The following TLN1 variants were observed in gnomAD, a reference collection of about 807,000 sequenced individuals.
TLN1 encodes the protein talin 1.
Under a neutral mutation model 292.3 loss-of-function variants are expected in TLN1, and 56 were observed. That is an observed-to-expected ratio of 0.19 (90% confidence interval 0.15 to 0.24). The LOEUF is 0.24. Among genes scored for constraint, TLN1 ranks in the 10% least tolerant of loss-of-function variants. TLN1 has a pLI of 1.00. For synonymous variants in TLN1, 1,119 were observed against 1,253.7 expected (o/e 0.89, Z 2.27); for missense variants, 2,433 against 3,248.2 (o/e 0.75, Z 6.10).
Position 35,715,059 on chromosome 9 carries a change from C to T in TLN1, c.2754G>A (p.Glu918=). Residue 918 remains glutamate (E), a splice_region_variant and synonymous_variant, in exon 21 of 57, where the codon GAG becomes GAA. Coordinates refer to ENST00000314888, the MANE Select transcript of TLN1 (RefSeq NM_006289.4). ...CTCCTGGTGAAACTCCCAGCCTCAC[C>T]TCCAGGCGCTGCACCAGCTTTTTCT... ...AIKKKLVQRL[E]HAAKQAAASA... is the part of the protein sequence containing the mutation. 1 of 1,612,934 alleles carries T rather than the reference C, an allele frequency of 6.2e-7. No homozygotes were observed. Among genetic ancestry groups the T allele is most frequent in the Non-Finnish European group, 8.5e-7 (1 of 1,180,046 alleles).
rs1373869694 is a variant in TLN1 at position 35,711,340 on chromosome 9, A to G, written c.3934T>C (p.Ser1312Pro). ...TTGGCAGCCAGAAGAAGTTTGCTTG[A>G]AGACATGGAGATGCCCTTCAAGTTG... ...VSNLKGISMS[S>P]SKLLLAAKAL... is the part of the protein sequence containing the mutation. Residue 1312 changes from serine (S) to proline (P), a missense_variant, in exon 30 of 57, where the codon TCA becomes CCA. This residue lies in a region of TLN1 where 1,384 missense variants were observed against 1,699.6 expected (regional missense o/e 0.81). Transcript: ENST00000314888. 6.2e-7 allele frequency: 1 copy of G among 1,614,142 alleles called. No homozygotes were observed.
In TLN1 at chr9:35,704,366, T is replaced by C; in HGVS notation, c.6013A>G (p.Asn2005Asp). 1 of 1,614,134 alleles carries C rather than the reference T, an allele frequency of 6.2e-7. No homozygotes were observed. Reference sequence around the variant, plus strand: ...GCGAAAGTTTCAGTACCCTCACGATTGAGCGTGCCAGCAGTGGCGAACATG... The same window carrying C: ...GCGAAAGTTTCAGTACCCTCACGATCGAGCGTGCCAGCAGTGGCGAACATG... ...TIMFATAGTL[N>D]REGTETFADH... Residue 2005 changes from asparagine (N) to aspartate (D), a missense_variant, in exon 45 of 57, where the codon AAT (asparagine) becomes GAT (aspartate). Asn to Asp is a conservative substitution (Grantham distance 23). Transcript: ENST00000314888. This position sits in a 1 kb window ranked among gnomAD's most constrained non-coding sequence, Gnocchi z 6.9.
At chr9:35,705,324 A>C (rs1825545399) in intron 43 of TLN1, among the ~76,000 whole-genome samples, 1 of 152,240 alleles carries the variant, frequency 6.6e-6, no homozygotes, top group Non-Finnish European at 1.5e-5. Flanking sequence ...GAAGCCAGAA[A>C]GGCAGGCCCG....
chr9:35,699,163 G>A lies in TLN1; in HGVS notation c.6875-7C>T, dbSNP rs1350891565. 1.0e-5 allele frequency: 16 copies of A among 1,600,568 alleles called. No homozygotes were observed. The highest frequency in any genetic ancestry group is 1.4e-5 in the Non-Finnish European group (16 of 1,172,068). On this transcript the variant is annotated splice_region_variant and splice_polypyrimidine_tract_variant and intron_variant, in intron 51 of 56. Transcript: ENST00000314888. This position sits in a 1 kb window ranked among gnomAD's most constrained non-coding sequence, Gnocchi z 4.0. ...GGGTCTACCCATTCTGTTCCTGGTG[G>A]GATGAAGGAAGAGGAAAGAGGCTAA...
chr9:35,703,959 T>C (rs1162439355), intron 46 of TLN1, 32 bp downstream of exon 46: 1 of 1,612,784 alleles, frequency 6.2e-7, no homozygotes, highest in Non-Finnish European at 8.5e-7. Flanking sequence ...AGGAAGTGAT[T>C]CCAGCCGGAA....
chr9:35,706,605 G>T lies in TLN1; in HGVS notation c.5089-54C>A. ...TGGTGACCTGCAATAGGACCCTCTGGCTACAAAGAACTGCTCTTCTGTCCA... is the reference window on the plus strand; with the variant it reads ...TGGTGACCTGCAATAGGACCCTCTGTCTACAAAGAACTGCTCTTCTGTCCA... On this transcript the variant is annotated intron_variant, in intron 38 of 56. Transcript: ENST00000314888. The surrounding 1 kb of genome is among the most constrained non-coding windows in gnomAD (Gnocchi z 4.2). 1 of 1,601,288 alleles carries T rather than the reference G, an allele frequency of 6.2e-7. No homozygotes were observed.
At chr9:35,725,839 T>C (rs749237609) in intron 1 of TLN1, 112 bp from the exon 2 acceptor site, 4 of 860,524 alleles carry the variant, frequency 4.6e-6, no homozygotes, top group Non-Finnish European at 7.1e-6. Context: ...CCAAAGTAGA[T>C]GGTAATAAGG....
intron 7 of TLN1, chr9:35,723,682 C>A (rs183079758): frequency 9.4e-5 from 39 of 414,168 alleles, no homozygotes; most frequent in African/African-American, 6.2e-4. Flanking sequence ...CTGGCTACTG[C>A]AGCAAAATTC....
chr9:35,703,863 G>A lies in TLN1; in HGVS notation c.6269C>T (p.Ala2090Val). 1 of 1,614,186 alleles carries A rather than the reference G, an allele frequency of 6.2e-7. No individual in the cohort carries two copies. The highest frequency in any genetic ancestry group is 8.5e-7 in the Non-Finnish European group (1 of 1,180,042). Reference protein sequence around the residue: ...LINAVKDVAKALGDLISATKA... With the variant: ...LINAVKDVAKVLGDLISATKA... ...CGTTGCACTGATGAGGTCTCCCAGG[G>A]CTTTGGCTACATCTTTCACTGCGTT... The change falls in exon 47 of 57, where the codon GCC becomes GTC. Residue 2090 changes from alanine to valine, a missense_variant. Ala to Val is a moderately conservative substitution (Grantham distance 64). Around this residue, in one of 7 missense-constraint regions of TLN1, gnomAD observed 1,384 missense variants for 1,699.6 expected, o/e 0.81. Transcript: ENST00000314888.
chr9:35,719,475 C>G lies in TLN1; in HGVS notation c.1687+44G>C, dbSNP rs1377431215. 6.4e-7 allele frequency: 1 copy of G among 1,553,746 alleles called. No homozygotes were observed. Among genetic ancestry groups the G allele is most frequent in the Non-Finnish European group, 8.9e-7 (1 of 1,126,022 alleles). On this transcript the variant is annotated intron_variant, in intron 15 of 56. Transcript: ENST00000314888. The surrounding 1 kb of genome is among the most constrained non-coding windows in gnomAD (Gnocchi z 4.6). ...ACATGCATGCCTGTGCACACTTGCA[C>G]CCCCTCTCCCCATCACACACCCGGA...
Position 35,705,557 on chromosome 9 carries a change from AT to A in TLN1, c.5726del (p.Asn1909MetfsTer4). On this transcript the variant is annotated frameshift_variant, in exon 43 of 57. Coordinates refer to ENST00000314888, the MANE Select transcript of TLN1 (RefSeq NM_006289.4). LOFTEE classifies it high-confidence loss of function. ...GAGTTGCCTCCACGTTTACCTCTTC[AT>A]TTTCAGCAGCCACCGCTGCAGGCTT... ...EAKPAAVAAE[N>X]EEIGSHIKHR... The A allele has an allele frequency of 1.3e-6, 2 of 1,585,608 alleles. No individual in the cohort carries two copies. The highest frequency in any genetic ancestry group is 1.1e-5 in the South Asian group (1 of 87,704).
At chr9:35,700,793 CT>C in intron 48 of TLN1, among the ~76,000 whole-genome samples, 1 of 152,286 alleles carries the variant, frequency 6.6e-6, no homozygotes, top group Admixed American at 6.5e-5. Flanking sequence ...CACCGAGGAA[CT>C]TGGACTTTTA....
Position 35,700,029 on chromosome 9 carries a change from T to A in TLN1, c.6713A>T (p.His2238Leu), listed in dbSNP as rs767008341. The A allele has an allele frequency of 1.2e-6, 2 of 1,613,436 alleles. No individual in the cohort carries two copies. Among genetic ancestry groups the A allele is most frequent in the Non-Finnish European group, 1.7e-6 (2 of 1,179,688 alleles). ...VAPDVRLRAL[H>L]YGRECANGYL... Reference sequence around the variant, plus strand: ...GCCATTGGCACACTCCCGGCCATAGTGCAGGGCTCGAAGCCGCACATCAGG... The same window carrying A: ...GCCATTGGCACACTCCCGGCCATAGAGCAGGGCTCGAAGCCGCACATCAGG... The change falls in exon 50 of 57, where the codon CAC becomes CTC. Residue 2238 changes from histidine (H) to leucine (L), a missense_variant. By Grantham distance (99) the His-to-Leu change is moderately conservative. Transcript: ENST00000314888.
At chr9:35,710,719 G>A (rs779423029) in intron 32 of TLN1, 36 bp from the exon 33 acceptor site, 17 of 1,613,500 alleles carry the variant, frequency 1.1e-5, no homozygotes, top group Non-Finnish European at 8.5e-6. Context: ...GTCAGAGCAT[G>A]TCCTCAGAAC....
At chr9:35,720,620 T>C (rs1308893649) in intron 11 of TLN1, 111 bp from the exon 12 acceptor site, 3 of 1,168,248 alleles carry the variant, frequency 2.6e-6, no homozygotes, top group Admixed American at 4.5e-5. Flanking sequence ...TGAGTGTCCA[T>C]TTCTTTTTCT....
chr9:35,716,118 G>A (rs918671545), intron 20 of TLN1, among the ~76,000 whole-genome samples: 19 of 151,392 alleles, frequency 1.3e-4, no homozygotes, highest in Non-Finnish European at 4.4e-5. Context: ...CACTTCGGGA[G>A]GCCAAGGTGG....
chr9:35,704,478 C>G lies in TLN1; in HGVS notation c.5901G>C (p.Ala1967=), dbSNP rs780068315. Residue 1967 remains alanine (A), a synonymous_variant, in exon 45 of 57, where the codon GCG becomes GCC. Transcript: ENST00000314888. This position sits in a 1 kb window ranked among gnomAD's most constrained non-coding sequence, Gnocchi z 6.9. ...GGGTGCCACGATTCCCAGCCTGGAG[C>G]GCAGCCAGGACGTGGGAGACCTGGG... ...VSEKVSHVLA[A]LQAGNRGTQA... is the part of the protein sequence containing the mutation. 1 of 1,611,452 alleles carries G rather than the reference C, an allele frequency of 6.2e-7. No homozygotes were observed.
Position 35,720,441 on chromosome 9 carries a change from G to A in TLN1, c.1275C>T (p.Ser425=), listed in dbSNP as rs1825861375. ...CCCAACTCCCTTCGTACTTTTTGGG[G>A]GACACTGAGTCCTCCAGCATAGTAG... ...EESTMLEDSV[S]PKKSTVLQQQ... is the part of the protein sequence containing the mutation. The change falls in exon 12 of 57, where the codon TCC becomes TCT. Residue 425 remains serine (S), a synonymous_variant. Transcript: ENST00000314888. 4.3e-6 allele frequency: 7 copies of A among 1,613,900 alleles called. No individual in the cohort carries two copies. The highest frequency in any genetic ancestry group is 5.9e-6 in the Non-Finnish European group (7 of 1,179,936).
intron 28 of TLN1, 54 bp from the exon 29 acceptor site, chr9:35,711,846 A>T: frequency 1.2e-6 from 2 of 1,609,652 alleles, no homozygotes; most frequent in Non-Finnish European, 1.7e-6. Context: ...TGCAGGGAGA[A>T]GTCTGGTAAA....
Sources: gnomAD v4.1 joint callset for allele counts (sites outside exome capture counted in the v4.1 genomes callset) on GRCh38, gnomAD v4.1.1 for gene constraint, gnomAD v4.1.1 regional missense constraint, Gnocchi (gnomAD v3.1) non-coding constraint, MANE v1.5 for transcripts, NCBI Gene and HGNC (gene_info 2026-07-23, HGNC 2026-07-21) for gene names.